Variants in ZFP28 observed in about 807,000 individuals in gnomAD.
ZFP28 encodes ZFP28 zinc finger protein.
Under a neutral mutation model 39.5 loss-of-function variants are expected in ZFP28, and 31 were observed. The ratio of observed to expected loss-of-function variants is 0.79; its 90% CI spans 0.59 to 1.06. The LOEUF is 1.06. Ranked by LOEUF, ZFP28 falls within the 50% of genes least tolerant of loss-of-function variation. ZFP28 has a pLI of 0.00. For missense variants in ZFP28, 925 were observed against 1,048.4 expected, an observed-to-expected ratio of 0.88 and a Z score of 1.63; for synonymous variants, 400 against 378.6, an observed-to-expected ratio of 1.06 and a Z score of -0.66.
chr19:56,550,352 G>C, intron 6 of ZFP28, 158 bp from the exon 7 acceptor site: 1 of 894,742 alleles, frequency 1.1e-6, no homozygotes, highest in Non-Finnish European at 1.7e-6. Flanking sequence ...TGGTGTCTTT[G>C]TTAGGCTTGA....
In ZFP28 at chr19:56,550,536, G is replaced by T. The variant is rs773799917; in HGVS notation, c.829G>T (p.Val277Phe). 4 of 1,614,080 alleles carry T rather than the reference G, an allele frequency of 2.5e-6. No homozygotes were observed. In the South Asian group the frequency reaches 3.3e-5, roughly 13 times the overall value. ...ACATTGTGTGGCTAAGCCAGATTTAGTCTCTTTACTAGAGCAAGAGAAGGA... is the reference window on the plus strand; with the variant it reads ...ACATTGTGTGGCTAAGCCAGATTTATTCTCTTTACTAGAGCAAGAGAAGGA... ...AGHCVAKPDL[V>F]SLLEQEKEPW... is the part of the protein sequence containing the mutation. Residue 277 changes from valine to phenylalanine, a missense_variant, in exon 7 of 8, where the codon GTC (valine) becomes TTC (phenylalanine). Physicochemically the swap from Val to Phe is conservative, Grantham distance 50. Transcript: ENST00000301318.
chr19:56,555,234 A>C lies in ZFP28; in HGVS notation c.2449A>C (p.Lys817Gln), dbSNP rs1283503789. Residue 817 changes from lysine to glutamine, a missense_variant, in exon 8 of 8, where the codon AAA becomes CAA. Physicochemically the swap from Lys to Gln is moderately conservative, Grantham distance 53 (BLOSUM62 1). Around this residue, in one of 2 missense-constraint regions of ZFP28, gnomAD observed 369 missense variants for 505.5 expected, o/e 0.73. Coordinates refer to ENST00000301318, the MANE Select transcript of ZFP28 (RefSeq NM_020828.2). ...HTGERSYNYK[K>Q]SRKVFRQTAH... ...TGGAGAGAGATCTTATAACTATAAG[A>C]AAAGCAGAAAAGTCTTCAGGCAAAC... The C allele has an allele frequency of 1.2e-6, 2 of 1,614,230 alleles. No individual in the cohort carries two copies. The highest frequency in any genetic ancestry group is 2.2e-5 in the South Asian group (2 of 91,086).
intron 6 of ZFP28, 70 bp from the exon 7 acceptor site, chr19:56,550,440 C>A (rs1568486770): frequency 2.2e-6 from 3 of 1,339,910 alleles, no homozygotes; most frequent in Non-Finnish European, 3.1e-6. Context: ...TTTCTATCAA[C>A]AAGGAAGTGG....
At chr19:56,548,039 A>G in intron 4 of ZFP28, 137 bp downstream of exon 4, 1 of 720,006 alleles carries the variant, frequency 1.4e-6, no homozygotes, top group Middle Eastern at 3.9e-4. Flanking sequence ...TTGGGAATAC[A>G]GAAATTTCAA....
chr19:56,549,746 T>C (rs2044278528), intron 5 of ZFP28, among the ~76,000 whole-genome samples: 1 of 151,956 alleles, frequency 6.6e-6, no homozygotes, highest in Admixed American at 6.5e-5. Context: ...AGAGAAAAAC[T>C]CTGTGGACTT....
At chr19:56,538,880 C>T, upstream of ZFP28, 1 of 647,150 alleles carries the variant, frequency 1.5e-6, no homozygotes, top group Non-Finnish European at 2.1e-6. Context: ...GGCGGGGCGG[C>T]TCCGCGGCGC....
intron 2 of ZFP28, among the ~76,000 whole-genome samples, chr19:56,541,221 C>T (rs369079381): frequency 4.6e-5 from 7 of 152,186 alleles, no homozygotes; most frequent in Admixed American, 3.9e-4. Context: ...AGTCAGTGGC[C>T]GTTTCATCCT....
At chr19:56,550,421 A>G (rs2044288410) in intron 6 of ZFP28, 89 bp from the exon 7 acceptor site, 2 of 1,170,808 alleles carry the variant, frequency 1.7e-6, no homozygotes, top group East Asian at 2.3e-5. Context: ...TTCTTTCAGC[A>G]GTAACACTTT....
chr19:56,550,233 C>T (rs2147959563), intron 6 of ZFP28, 52 bp downstream of exon 6: 1 of 1,517,226 alleles, frequency 6.6e-7, no homozygotes. Context: ...ACCTCCATTT[C>T]CAAACTTCAG....
At chr19:56,550,279 A>G (rs2044286716) in intron 6 of ZFP28, 98 bp downstream of exon 6, 1 of 1,229,292 alleles carries the variant, frequency 8.1e-7, no homozygotes, top group Admixed American at 2.3e-5. Flanking sequence ...GTGTCTTCTG[A>G]CATGCTGGCC....
rs550522084 is a variant in ZFP28, at chr19:56,547,261, G to C, written c.301-247G>C. 28 of 497,868 alleles carry C rather than the reference G, an allele frequency of 5.6e-5. No homozygotes were observed. The East Asian group carries it at 5.8e-4, about 10-fold the overall frequency. The allele number at this position is 497,868 out of a possible 1,614,324, so 30.8% of individuals were successfully genotyped here. On this transcript the variant is annotated intron_variant, in intron 2 of 7. Transcript: ENST00000301318. This position sits in a 1 kb window ranked among gnomAD's most constrained non-coding sequence, Gnocchi z 4.6. ...TCTTTTCCCTGTGCCTGCACACCGT[G>C]GTATCTCTTCCTGTTTTAATAAGGA...
At chr19:56,538,828 G>GGGGCA (rs1568482598), upstream of ZFP28, 1 of 133,772 alleles carries the variant, frequency 7.5e-6, no homozygotes, top group South Asian at 2.6e-4. Flanking sequence ...GGGGCGGGGC[G>GGGGCA]GGGCAGCGGG....
At chr19:56,540,015 C>T (rs1052496134) in intron 2 of ZFP28, among the ~76,000 whole-genome samples, 3 of 152,202 alleles carry the variant, frequency 2.0e-5, no homozygotes, top group Non-Finnish European at 1.5e-5. Context: ...CCTTGAGGAA[C>T]ACGGCAGACT....
chr19:56,547,124 C>T lies in ZFP28; in HGVS notation c.301-384C>T, dbSNP rs1229577867. On this transcript the variant is annotated intron_variant, in intron 2 of 7. Transcript: ENST00000301318. The surrounding 1 kb of genome is among the most constrained non-coding windows in gnomAD (Gnocchi z 4.6). ...CTTAAACAACAGAAATTTCTTTTCT[C>T]AAGCTTCTGGAGGCTGGAAGTCCAA... The T allele has an allele frequency of 2.1e-5, 4 of 191,704 alleles. No homozygotes were observed. The East Asian group carries it at 6.0e-4, about 29-fold the overall frequency. The allele number at this position is 191,704 out of a possible 1,614,324, so 11.9% of individuals were successfully genotyped here.
intron 2 of ZFP28, among the ~76,000 whole-genome samples, chr19:56,542,653 A>G (rs1306323115): frequency 6.6e-6 from 1 of 152,220 alleles, no homozygotes; most frequent in Admixed American, 6.5e-5. Context: ...TTGGTGGATG[A>G]ATGTTTGAAT....
chr19:56,550,512 C>G lies in ZFP28; in HGVS notation c.805C>G (p.His269Asp). Reference protein sequence around the residue: ...ENNSDLGSAGHCVAKPDLVSL... With the variant: ...ENNSDLGSAGDCVAKPDLVSL... ...CTCATCTCTTTTCACTTTTTCAGGA[C>G]ATTGTGTGGCTAAGCCAGATTTAGT... The change falls in exon 7 of 8, where the codon CAT becomes GAT. Residue 269 changes from histidine (H) to aspartate (D), a missense_variant and splice_region_variant. By Grantham distance (81) the His-to-Asp change is moderately conservative (BLOSUM62 -1). Transcript: ENST00000301318. 1 of 1,613,182 alleles carries G rather than the reference C, an allele frequency of 6.2e-7. No homozygotes were observed. Among genetic ancestry groups the G allele is most frequent in the Non-Finnish European group, 8.5e-7 (1 of 1,179,742 alleles).
intron 2 of ZFP28, among the ~76,000 whole-genome samples, chr19:56,542,121 A>C (rs898206505): frequency 3.9e-5 from 6 of 151,926 alleles, no homozygotes; most frequent in Non-Finnish European, 5.9e-5. Context: ...AGATATGAGA[A>C]GTCAGCCCTC....
intron 7 of ZFP28, 140 bp downstream of exon 7, chr19:56,550,745 G>A: frequency 1.9e-6 from 3 of 1,545,878 alleles, no homozygotes; most frequent in Non-Finnish European, 1.7e-6. Flanking sequence ...TGAACTCTGG[G>A]AGTTCCAAAT....
chr19:56,542,766 TTTG>T (rs869076968), intron 2 of ZFP28, among the ~76,000 whole-genome samples: 3 of 88,676 alleles, frequency 3.4e-5, no homozygotes, highest in Admixed American at 1.2e-4. Context: ...ATTTTTTTAT[TTTG>T]TTTTTTTGCT....
Sources: allele counts gnomAD v4.1 joint callset (sites outside exome capture counted in the v4.1 genomes callset), GRCh38; gene constraint gnomAD v4.1.1; regional missense constraint gnomAD v4.1.1; non-coding constraint Gnocchi (gnomAD v3.1); transcripts MANE v1.5; gene names NCBI Gene and HGNC (gene_info 2026-07-23, HGNC 2026-07-21).